The following ZNF577 variants were observed in gnomAD, a reference collection of about 807,000 sequenced individuals.
The protein encoded by ZNF577 is zinc finger protein 577.
In ZNF577, 14 loss-of-function variants were observed where a neutral mutation model predicts 13.9. That is an observed-to-expected ratio of 1.00 (90% CI 0.66 to 1.57). ZNF577 has a LOEUF of 1.57. ZNF577 is among the 40% of genes most tolerant of loss of function. The probability of loss-of-function intolerance (pLI) is 0.00; values close to 1 mark genes in which losing one functional copy is unlikely to be tolerated. For synonymous variants in ZNF577, 203 were observed against 202.9 expected, an observed-to-expected ratio of 1.00 and a Z score of 0.00; for missense variants, 555 against 579.2, an observed-to-expected ratio of 0.96 and a Z score of 0.43.
chr19:51,825,838 A>G (rs1299870725), intron 9 of ZNF577: 1 of 167,114 alleles, frequency 6.0e-6, no homozygotes, highest in Non-Finnish European at 1.5e-5. Context: ...TGGAAGTGGG[A>G]AAAGAGTACA....
intron 9 of ZNF577, among the ~76,000 whole-genome samples, chr19:51,816,804 T>C (rs562319606): frequency 2.0e-5 from 3 of 152,280 alleles, no homozygotes; most frequent in Non-Finnish European, 4.4e-5. Context: ...CTGAATTTCA[T>C]TGTAGGATAG....
chr19:51,876,324 A>G (rs1395787505), intron 5 of ZNF577, among the ~76,000 whole-genome samples: 2 of 152,084 alleles, frequency 1.3e-5, no homozygotes. Context: ...GTGGCTGGCG[A>G]CACGCAGCGG....
chr19:51,833,529 T>TG (rs2084272099), intron 9 of ZNF577, among the ~76,000 whole-genome samples: 1 of 152,228 alleles, frequency 6.6e-6, no homozygotes. Context: ...AGACAAGAGA[T>TG]GGCATGAGCC....
intron 9 of ZNF577, among the ~76,000 whole-genome samples, chr19:51,836,367 A>AT (rs58358732): frequency 0.39 from 58,695 of 151,976 alleles, 11,543 homozygotes; most frequent in South Asian, 0.49. Flanking sequence ...ATTCAAATAA[A>AT]TGTACTTATG....
At chr19:51,859,941 C>T (rs2084478973) in intron 5 of ZNF577, among the ~76,000 whole-genome samples, 1 of 152,062 alleles carries the variant, frequency 6.6e-6, no homozygotes, top group Non-Finnish European at 1.5e-5. Flanking sequence ...GATCCTTTGT[C>T]ACTATTCGAC....
In ZNF577 at chr19:51,878,865, T is replaced by C. The variant is rs565216747; in HGVS notation, c.61-350A>G. The stretch of plus-strand genomic sequence containing the variant: ...AATGTTAAAATCAATGAGGTAGATG[T>C]ATACATACCCACATGATTATCAATG... On this transcript the variant is annotated intron_variant, in intron 3 of 5. Transcript: ENST00000638348. 3.3e-5 allele frequency: 6 copies of C among 181,398 alleles called. No homozygotes were observed. The East Asian group carries it at 5.4e-4, about 16-fold the overall frequency. 11.2% of individuals were successfully genotyped at this position (181,398 alleles called of 1,614,324 possible). A position where few individuals can be genotyped will look rare whatever the true frequency, so the allele number is the denominator to read the frequency against.
intron 5 of ZNF577, among the ~76,000 whole-genome samples, chr19:51,850,043 T>G (rs985603813): frequency 6.6e-6 from 1 of 152,220 alleles, no homozygotes; most frequent in Admixed American, 6.5e-5. Context: ...TTCTCTGTTC[T>G]GGGGATGGGG....
chr19:51,849,495 G>A (rs976586313), intron 5 of ZNF577, among the ~76,000 whole-genome samples: 4 of 152,272 alleles, frequency 2.6e-5, no homozygotes, highest in African/African-American at 9.6e-5. Context: ...TCTGCCTTTT[G>A]CCATGTGAGG....
intron 6 of ZNF577, among the ~76,000 whole-genome samples, chr19:51,843,601 T>G (rs12462406): frequency 0.076 from 11,630 of 152,272 alleles, 668 homozygotes; most frequent in South Asian, 0.23. Flanking sequence ...TTAGGAGCAT[T>G]TAATGTAATT....
chr19:51,829,809 T>C (rs2084252425), intron 9 of ZNF577, among the ~76,000 whole-genome samples: 1 of 152,184 alleles, frequency 6.6e-6, no homozygotes, highest in African/African-American at 2.4e-5. Flanking sequence ...GAGCAAGTGC[T>C]GCTGAGGCCA....
chr19:51,857,373 A>G lies in ZNF577; in HGVS notation c.284-12442T>C, dbSNP rs866880947. Among the ~76,000 whole-genome samples, 69 of 89,264 alleles carry G rather than the reference A, an allele frequency of 7.7e-4. 1 individual carries two copies. Among genetic ancestry groups the G allele is most frequent in the African/African-American group, 3.5e-3 (65 of 18,788 alleles). 58.6% of individuals were successfully genotyped at this position (89,264 alleles called of 152,430 possible). ...GAGAAAGAAAGAAGGAAGGAAAGAA[A>G]GAAAGAAAGAAAGAAAGAAAGAAAG... On this transcript the variant is annotated intron_variant and NMD_transcript_variant, in intron 5 of 10. Coordinates refer to the ZNF577 transcript ENST00000638827.
Position 51,870,034 on chromosome 19 carries a change from C to T in ZNF577, c.*2498G>A, listed in dbSNP as rs1386191615. Among the ~76,000 whole-genome samples the T allele has an allele frequency of 6.6e-6, 1 of 152,198 alleles. No homozygotes were observed. The highest frequency in any genetic ancestry group is 2.4e-5 in the African/African-American group (1 of 41,448). ...TTGCTGGTAATTGCCTCCTTCTGGT[C>T]CCTCCCTGGGAGGATTAACATCCTA... On this transcript the variant is annotated 3_prime_UTR_variant, in exon 6 of 6. Transcript: ENST00000638348.
chr19:51,851,800 C>T (rs1425526746), intron 5 of ZNF577, among the ~76,000 whole-genome samples: 1 of 152,178 alleles, frequency 6.6e-6, no homozygotes, highest in Non-Finnish European at 1.5e-5. Context: ...CCTGTCACTG[C>T]CCCAGGAAAC....
At chr19:51,841,793 C>T (rs1258819594) in intron 8 of ZNF577, among the ~76,000 whole-genome samples, 1 of 152,148 alleles carries the variant, frequency 6.6e-6, no homozygotes, top group Non-Finnish European at 1.5e-5. Context: ...GTGGCAGGCA[C>T]CTGTAATCCC....
At chr19:51,856,752 G>A (rs192852967) in intron 5 of ZNF577, among the ~76,000 whole-genome samples, 265 of 152,216 alleles carry the variant, frequency 1.7e-3, no homozygotes, top group African/African-American at 2.8e-3. Context: ...CATCAAGATC[G>A]GGGGGCTGAG....
rs926827883 is a variant in ZNF577 at position 51,871,017 on chromosome 19, T to C, written c.*1515A>G. Among the ~76,000 whole-genome samples the C allele has an allele frequency of 6.6e-6, 1 of 152,248 alleles. No individual in the cohort carries two copies. The highest frequency in any genetic ancestry group is 1.5e-5 in the Non-Finnish European group (1 of 68,048). On this transcript the variant is annotated 3_prime_UTR_variant, in exon 6 of 6. Coordinates refer to ENST00000638348, the MANE Select transcript of ZNF577 (RefSeq NM_001370449.1). ...CATTTACTGTAAAAGAAAAAGGGAC[T>C]GTTTGGGTTGGCTATGAAAAAGTTA...
intron 5 of ZNF577, chr19:51,855,660 G>A (rs1461153624): frequency 3.3e-5 from 5 of 152,046 alleles, no homozygotes; most frequent in East Asian, 1.9e-4. Context: ...GCTCCCTAAC[G>A]GTACTGCAGG....
At chr19:51,836,141 A>G (rs2084286278) in intron 9 of ZNF577, among the ~76,000 whole-genome samples, 1 of 152,256 alleles carries the variant, frequency 6.6e-6, no homozygotes, top group African/African-American at 2.4e-5. Flanking sequence ...AAACAATAAT[A>G]AAAACCTTTG....
At position 51,870,203 on chromosome 19, in the gene ZNF577, A is replaced by G. The variant is rs762260090; in HGVS notation, c.*2329T>C. Among the ~76,000 whole-genome samples, 3 of 152,248 alleles carry G rather than the reference A, an allele frequency of 2.0e-5. No individual in the cohort carries two copies. The highest frequency in any genetic ancestry group is 1.3e-4 in the Admixed American group (2 of 15,290). ...GCTATTTCTAACATCCTTTTCTGCT[A>G]TAAGTGTGCCACTTCTGGGTCTCTA... On this transcript the variant is annotated 3_prime_UTR_variant, in exon 6 of 6. Transcript: ENST00000638348.
Sources: allele counts gnomAD v4.1 joint callset (sites outside exome capture counted in the v4.1 genomes callset), GRCh38; gene constraint gnomAD v4.1.1; transcripts MANE v1.5; gene names NCBI Gene and HGNC (gene_info 2026-07-23, HGNC 2026-07-21).